The following RAB31 variants were observed in gnomAD, a reference collection of about 807,000 sequenced individuals.
RAB31 encodes RAB31, member RAS oncogene family, also known as ras-related protein Rab-31.
A neutral mutation model predicts 25.6 loss-of-function variants in RAB31; 21 were observed. That is an observed-to-expected ratio of 0.82 (90% CI 0.58 to 1.18). The LOEUF (loss-of-function observed/expected upper bound fraction) is 1.18, where lower values mean the gene tolerates loss of function less well. Ranked by LOEUF, RAB31 falls within the 50% of genes most tolerant of loss-of-function variation. RAB31 has a pLI of 0.00. For missense variants in RAB31, 196 were observed against 250.1 expected, an observed-to-expected ratio of 0.78 and a Z score of 1.46; for synonymous variants, 87 against 84.0, an observed-to-expected ratio of 1.04 and a Z score of -0.20.
At chr18:9,780,110 A>C (rs1300324866) in intron 2 of RAB31, among the ~76,000 whole-genome samples, 1 of 151,320 alleles carries the variant, frequency 6.6e-6, no homozygotes, top group African/African-American at 2.4e-5. Flanking sequence ...CTGGAGGTTG[A>C]GGCTGCAGTG....
At position 9,792,220 on chromosome 18, in the gene RAB31, T is replaced by C. The variant is rs781700525; in HGVS notation, c.186T>C (p.Thr62=). 2 of 1,612,284 alleles carry C rather than the reference T, an allele frequency of 1.2e-6. No individual in the cohort carries two copies. Among genetic ancestry groups the C allele is most frequent in the Non-Finnish European group, 8.5e-7 (1 of 1,179,150 alleles). ...NELHKFLIWD[T]AGQERFHSLA... ...TTCACAAGTTCCTCATCTGGGACAC[T>C]GCTGGTCAGGAACGGGTGAGTATAT... The change falls in exon 3 of 7, where the codon ACT becomes ACC. Residue 62 remains threonine (T), a synonymous_variant. Transcript: ENST00000578921.
chr18:9,749,815 G>A (rs140220567), intron 1 of RAB31, among the ~76,000 whole-genome samples: 27 of 152,308 alleles, frequency 1.8e-4, no homozygotes, highest in African/African-American at 6.5e-4. Context: ...CTGTCCTGTA[G>A]GGGAGAAAAG....
At chr18:9,829,518 G>A (rs1409057937) in intron 5 of RAB31, among the ~76,000 whole-genome samples, 2 of 152,350 alleles carry the variant, frequency 1.3e-5, no homozygotes, top group Middle Eastern at 6.8e-3. Context: ...CTGCTTGAAC[G>A]TTCTTGCACA....
At chr18:9,795,127 A>C (rs2068480613) in intron 3 of RAB31, among the ~76,000 whole-genome samples, 1 of 152,198 alleles carries the variant, frequency 6.6e-6, no homozygotes. Flanking sequence ...ACAAACAAAA[A>C]CATAAAGTGG....
chr18:9,773,181 C>G (rs960877230), intron 1 of RAB31, among the ~76,000 whole-genome samples: 2 of 152,036 alleles, frequency 1.3e-5, no homozygotes, highest in African/African-American at 4.8e-5. Context: ...AGCCAAGTCC[C>G]CTGTTGCCCC....
At chr18:9,821,087 T>C (rs1049742221) in intron 5 of RAB31, among the ~76,000 whole-genome samples, 3 of 152,134 alleles carry the variant, frequency 2.0e-5, no homozygotes, top group Non-Finnish European at 4.4e-5. Context: ...TTTTAACTAA[T>C]CTCAAAATAT....
chr18:9,748,933 A>G (rs908116983), intron 1 of RAB31, among the ~76,000 whole-genome samples: 1 of 152,142 alleles, frequency 6.6e-6, no homozygotes, highest in Non-Finnish European at 1.5e-5. Flanking sequence ...AATGTATAGA[A>G]TTACAAGATT....
chr18:9,834,787 C>T (rs1470777044), intron 5 of RAB31, among the ~76,000 whole-genome samples: 2 of 152,180 alleles, frequency 1.3e-5, no homozygotes, highest in Non-Finnish European at 2.9e-5. Flanking sequence ...TCTTCTGTTC[C>T]TGGGGATTTT....
chr18:9,748,837 G>C (rs544962292), intron 1 of RAB31, among the ~76,000 whole-genome samples: 8 of 151,876 alleles, frequency 5.3e-5, no homozygotes, highest in Non-Finnish European at 1.2e-4. Context: ...GTTGCAGTGA[G>C]CCGAGATTGC....
chr18:9,716,380 A>C (rs140151026), intron 1 of RAB31, among the ~76,000 whole-genome samples: 56 of 152,350 alleles, frequency 3.7e-4, no homozygotes, highest in African/African-American at 1.3e-3. Context: ...TATTTAAAAA[A>C]ATTTCTTAGC....
intron 1 of RAB31, among the ~76,000 whole-genome samples, chr18:9,769,489 C>G (rs138893149): frequency 0.018 from 2,677 of 151,924 alleles, 77 homozygotes; most frequent in African/African-American, 0.06. Flanking sequence ...TGATTTGGCT[C>G]TCTATTATTG....
intron 5 of RAB31, among the ~76,000 whole-genome samples, chr18:9,823,348 G>A (rs578134898): frequency 1.3e-5 from 2 of 152,142 alleles, no homozygotes; most frequent in East Asian, 3.9e-4. Context: ...CTGTGGTGGT[G>A]GACACAGGAA....
Position 9,778,718 on chromosome 18 carries a change from C to T in RAB31, c.119+3361C>T, listed in dbSNP as rs186329348. On this transcript the variant is annotated intron_variant, in intron 2 of 6. Transcript: ENST00000578921. ...ACTCCTGACCTCAGGTGATCCACCC[C>T]CCTTGGCCTCCCAAAGTGCTGGGAT... Among the ~76,000 whole-genome samples, 343 of 152,120 alleles carry T rather than the reference C, an allele frequency of 2.3e-3. 5 individuals are homozygous for T. In the East Asian group the frequency reaches 0.052, roughly 23 times the overall value.
chr18:9,810,000 G>C (rs1345613765), intron 3 of RAB31, among the ~76,000 whole-genome samples: 4 of 152,196 alleles, frequency 2.6e-5, no homozygotes, highest in Non-Finnish European at 4.4e-5. Context: ...CCCTGCCACA[G>C]GGACCTCCAG....
At chr18:9,770,106 G>A (rs2068336516) in intron 1 of RAB31, among the ~76,000 whole-genome samples, 1 of 152,178 alleles carries the variant, frequency 6.6e-6, no homozygotes, top group Non-Finnish European at 1.5e-5. Flanking sequence ...TTTTATTGAG[G>A]ATTTTTGCGT....
chr18:9,756,666 G>C (rs1323757048), intron 1 of RAB31, among the ~76,000 whole-genome samples: 1 of 152,172 alleles, frequency 6.6e-6, no homozygotes, highest in Non-Finnish European at 1.5e-5. Flanking sequence ...TGTCATTGTG[G>C]AGTCTTAGTG....
At chr18:9,815,289 T>C (rs1568186673) in intron 5 of RAB31, 67 bp downstream of exon 5, 2 of 1,032,330 alleles carry the variant, frequency 1.9e-6, no homozygotes, top group Non-Finnish European at 2.8e-6. Flanking sequence ...TCCGTGTAGA[T>C]ACTGTCCTCC....
chr18:9,829,867 G>A (rs747299774), intron 5 of RAB31, among the ~76,000 whole-genome samples: 55 of 151,790 alleles, frequency 3.6e-4, no homozygotes, highest in Middle Eastern at 6.9e-3. Flanking sequence ...ATTGTTTACC[G>A]TAATCTTGTT....
chr18:9,847,575 T>C (rs752160907), intron 6 of RAB31, among the ~76,000 whole-genome samples: 1 of 152,204 alleles, frequency 6.6e-6, no homozygotes, highest in African/African-American at 2.4e-5. Flanking sequence ...TGTACTAATA[T>C]CTTTTTTCTT....
Sources: allele counts gnomAD v4.1 joint callset (sites outside exome capture counted in the v4.1 genomes callset), GRCh38; gene constraint gnomAD v4.1.1; transcripts MANE v1.5; gene names NCBI Gene and HGNC (gene_info 2026-07-23, HGNC 2026-07-21).